The following OTUD4 variants were observed in gnomAD, a reference collection of about 807,000 sequenced individuals.
OTUD4 encodes the protein OTU domain-containing protein 4.
Under a neutral mutation model 130.4 loss-of-function variants are expected in OTUD4, and 24 were observed. That is an observed-to-expected ratio of 0.18 (90% confidence interval 0.13 to 0.26). OTUD4 has a LOEUF of 0.26. OTUD4 is among the 10% of genes least tolerant of loss of function. The pLI is 1.00. For synonymous variants in OTUD4, 420 were observed against 472.5 expected (o/e 0.89, Z 1.44); for missense variants, 1,031 against 1,329.4 (o/e 0.78, Z 3.49).
Position 145,170,173 on chromosome 4 carries a change from T to A in OTUD4, c.294+1497A>T, listed in dbSNP as rs1289305481. ...CAGGTATGGAATAGGGGCCAGGGAA[T>A]CTGCATTTTCACATGCACATCAAGT... On this transcript the variant is annotated intron_variant, in intron 3 of 20. Coordinates refer to ENST00000447906, the MANE Select transcript of OTUD4 (RefSeq NM_001366057.1). 3.3e-5 allele frequency among the ~76,000 whole-genome samples: 5 copies of A among 152,218 alleles called. No homozygotes were observed. The East Asian group carries it at 5.8e-4, about 18-fold the overall frequency.
chr4:145,159,453 A>T (rs762741023), intron 7 of OTUD4, 50 bp downstream of exon 7: 1 of 1,609,242 alleles, frequency 6.2e-7, no homozygotes, highest in Admixed American at 1.7e-5. Context: ...ACATTTACTT[A>T]ACTTTCCTTG....
rs771861882 is a variant in OTUD4 at position 145,150,915 on chromosome 4, G to A, written c.969-10C>T. The A allele has an allele frequency of 3.5e-5, 55 of 1,578,048 alleles. No individual in the cohort carries two copies. Among genetic ancestry groups the A allele is most frequent in the Non-Finnish European group, 4.8e-5 (55 of 1,152,778 alleles). On this transcript the variant is annotated splice_polypyrimidine_tract_variant and intron_variant, in intron 11 of 20. Transcript: ENST00000447906. ...GTTCTTTGATGTGTGCCTTCAAAGG[G>A]GAAAAGACTTGTGATAGCTTAAAAT...
intron 6 of OTUD4, among the ~76,000 whole-genome samples, chr4:145,161,861 T>A (rs1342088361): frequency 6.6e-6 from 1 of 152,232 alleles, no homozygotes; most frequent in Non-Finnish European, 1.5e-5. Context: ...TAACAGTTTT[T>A]AAAATGCATA....
chr4:145,145,887 A>G (rs1469558985), intron 14 of OTUD4, among the ~76,000 whole-genome samples: 3 of 152,362 alleles, frequency 2.0e-5, no homozygotes, highest in Non-Finnish European at 4.4e-5. Flanking sequence ...AAACACCCTG[A>G]AAGACAGCTC....
intron 1 of OTUD4, chr4:145,178,683 T>C (rs1752542110): frequency 6.6e-6 from 1 of 152,226 alleles, no homozygotes; most frequent in Non-Finnish European, 1.5e-5. Context: ...AATTTCTTGT[T>C]TTAAAGAAAG....
Position 145,134,719 on chromosome 4 carries a change from G to T in OTUD4, c.*2711C>A. ...ACTACACAGATGCCAGCATCCTGCT[G>T]CCAAGGAGACATGGGGCAAGAGTTG... On this transcript the variant is annotated 3_prime_UTR_variant, in exon 21 of 21. Transcript: ENST00000447906. 2.5e-6 allele frequency: 1 copy of T among 398,938 alleles called. No individual in the cohort carries two copies. The highest frequency in any genetic ancestry group is 4.4e-6 in the Non-Finnish European group (1 of 226,010). The allele number at this position is 398,938 out of a possible 1,614,324, so 24.7% of individuals were successfully genotyped here.
intron 3 of OTUD4, 50 bp from the exon 4 acceptor site, chr4:145,165,247 T>C: frequency 8.3e-7 from 1 of 1,208,950 alleles, no homozygotes; most frequent in African/African-American, 1.5e-5. Context: ...ACTTTTTAGA[T>C]TCCACTTTAT....
Position 145,137,576 on chromosome 4 carries a change from C to A in OTUD4, c.3199G>T (p.Val1067Leu). 1 of 1,613,540 alleles carries A rather than the reference C, an allele frequency of 6.2e-7. No individual in the cohort carries two copies. The highest frequency in any genetic ancestry group is 8.5e-7 in the Non-Finnish European group (1 of 1,179,914). ...CCTTTCCAGGACTCCTCACTTCTCA[C>A]ATGTTGATATCCACCCCTACCAGAA... ...GYSGRGGYQHVRSEESWKGQP... is the reference protein window; with the variant it reads ...GYSGRGGYQHLRSEESWKGQP... Residue 1067 changes from valine (V) to leucine (L), a missense_variant, in exon 21 of 21, where the codon GTG becomes TTG. Val to Leu is a conservative substitution (Grantham distance 32, BLOSUM62 1). Coordinates refer to ENST00000447906, the MANE Select transcript of OTUD4 (RefSeq NM_001366057.1).
rs142643301 is a variant in OTUD4, at chr4:145,163,007, C to T, written c.415-286G>A. The stretch of plus-strand genomic sequence containing the variant: ...AACATGCTTTCAACTACTTAAAGAA[C>T]AAGACACTGTAAGAAAATATTTCAA... On this transcript the variant is annotated intron_variant, in intron 5 of 20. Coordinates refer to ENST00000447906, the MANE Select transcript of OTUD4 (RefSeq NM_001366057.1). Among the ~76,000 whole-genome samples, 1,284 of 152,114 alleles carry T rather than the reference C, an allele frequency of 8.4e-3. 20 individuals are homozygous for T. The highest frequency in any genetic ancestry group is 0.029 in the African/African-American group (1,196 of 41,496).
chr4:145,138,199 G>A lies in OTUD4; in HGVS notation c.2576C>T (p.Pro859Leu). ...AAAAGGGTACCCATACCAAACATGA[G>A]GAAAGAAAGGAGGTGCAATAGGAAC... ...GPVPIAPPFFPHVWYGYPFQG... is the reference protein window; with the variant it reads ...GPVPIAPPFFLHVWYGYPFQG... Residue 859 changes from proline (P) to leucine (L), a missense_variant, in exon 21 of 21, where the codon CCT becomes CTT. Pro to Leu is a moderately conservative substitution (Grantham distance 98, BLOSUM62 -3). Transcript: ENST00000447906. The A allele has an allele frequency of 6.2e-7, 1 of 1,613,974 alleles. No individual in the cohort carries two copies. The highest frequency in any genetic ancestry group is 8.5e-7 in the Non-Finnish European group (1 of 1,179,884).
intron 5 of OTUD4, among the ~76,000 whole-genome samples, chr4:145,163,238 A>G (rs973229462): frequency 1.3e-5 from 2 of 152,224 alleles, no homozygotes; most frequent in East Asian, 1.9e-4. Flanking sequence ...CAAAACCCTT[A>G]TAACAGTAGT....
At chr4:145,172,382 G>A (rs1244660634) in intron 2 of OTUD4, among the ~76,000 whole-genome samples, 22 of 152,212 alleles carry the variant, frequency 1.4e-4, no homozygotes, top group Admixed American at 1.4e-3. Flanking sequence ...ACTAGAAAGA[G>A]CGATGAGAAC....
At chr4:145,170,380 T>C (rs546707144) in intron 3 of OTUD4, among the ~76,000 whole-genome samples, 1 of 152,368 alleles carries the variant, frequency 6.6e-6, no homozygotes, top group African/African-American at 2.4e-5. Flanking sequence ...TGGAACTGTT[T>C]TCTGAATCTG....
At chr4:145,174,973 G>T (rs577143009) in intron 1 of OTUD4, among the ~76,000 whole-genome samples, 1 of 152,286 alleles carries the variant, frequency 6.6e-6, no homozygotes, top group South Asian at 2.1e-4. Context: ...AATTTGTAAA[G>T]AATTTATTAG....
intron 1 of OTUD4, chr4:145,179,540 G>T: frequency 8.9e-7 from 1 of 1,124,100 alleles, no homozygotes; most frequent in Non-Finnish European, 1.1e-6. Flanking sequence ...AACTGTACAA[G>T]CTCCGAGCAG....
Position 145,138,302 on chromosome 4 carries a change from C to G in OTUD4, c.2473G>C (p.Ala825Pro). Residue 825 changes from alanine to proline, a missense_variant, in exon 21 of 21, where the codon GCT becomes CCT. Transcript: ENST00000447906. ...CCACTTAGTGACTCTTCATAATCAG[C>G]ATGCAGAAGCTGCCCAGGGGTCTCA... ...ESETPGQLLH[A>P]DYEESLSGKN... 1.2e-6 allele frequency: 2 copies of G among 1,614,080 alleles called. No homozygotes were observed. Among genetic ancestry groups the G allele is most frequent in the Admixed American group, 1.7e-5 (1 of 60,020 alleles).
intron 3 of OTUD4, among the ~76,000 whole-genome samples, chr4:145,168,489 AG>A (rs1480255359): frequency 6.6e-6 from 1 of 151,872 alleles, no homozygotes; most frequent in Admixed American, 6.6e-5. Context: ...TATCCAATAC[AG>A]GACTTATATC....
intron 1 of OTUD4, among the ~76,000 whole-genome samples, chr4:145,179,114 A>G (rs955809459): frequency 6.6e-6 from 1 of 152,204 alleles, no homozygotes; most frequent in Non-Finnish European, 1.5e-5. Flanking sequence ...GTGTTAGAAA[A>G]TGGTTTTGAA....
Position 145,180,041 on chromosome 4 carries a change from C to G in OTUD4, c.-68G>C, listed in dbSNP as rs2126821131. On this transcript the variant is annotated 5_prime_UTR_variant, in exon 1 of 21. Coordinates refer to ENST00000447906, the MANE Select transcript of OTUD4 (RefSeq NM_001366057.1). Reference sequence around the variant, plus strand: ...CCACATGGCCAGGCCGCCGGCTGCTCGACGCCCCGGCCTGGGGCAGGCGGC... The same window carrying G: ...CCACATGGCCAGGCCGCCGGCTGCTGGACGCCCCGGCCTGGGGCAGGCGGC... 8.0e-7 allele frequency: 1 copy of G among 1,243,358 alleles called. No individual in the cohort carries two copies. Among genetic ancestry groups the G allele is most frequent in the East Asian group, 3.6e-5 (1 of 28,000 alleles). 77.0% of individuals were successfully genotyped at this position (1,243,358 alleles called of 1,614,324 possible). A position where few individuals can be genotyped will look rare whatever the true frequency, so the allele number is the denominator to read the frequency against.
Sources: allele counts gnomAD v4.1 joint callset (sites outside exome capture counted in the v4.1 genomes callset), GRCh38; gene constraint gnomAD v4.1.1; transcripts MANE v1.5; gene names NCBI Gene and HGNC (gene_info 2026-07-23, HGNC 2026-07-21).